WDR70: variants seen among roughly 807,000 people sequenced by gnomAD.
The protein encoded by WDR70 is WD repeat-containing protein 70.
In WDR70, 53 loss-of-function variants were observed where a neutral mutation model predicts 88.6. The observed-to-expected ratio is 0.60, with a 90% CI of 0.48 to 0.75. The LOEUF (loss-of-function observed/expected upper bound fraction) is 0.75. Ranked by LOEUF, WDR70 falls within the 30% of genes least tolerant of loss-of-function variation. The probability of loss-of-function intolerance (pLI) is 0.00; values close to 1 mark genes in which losing one functional copy is unlikely to be tolerated. For synonymous variants in WDR70, 280 were observed against 270.0 expected, an observed-to-expected ratio of 1.04 and a Z score of -0.36; for missense variants, 610 against 823.2, an observed-to-expected ratio of 0.74 and a Z score of 3.17.
rs74779045 is a variant in WDR70 at position 37,438,474 on chromosome 5, T to A, written c.552+493T>A. 9.7e-3 allele frequency among the ~76,000 whole-genome samples: 1,481 copies of A among 152,212 alleles called. 35 individuals carry two copies. The highest frequency in any genetic ancestry group is 0.034 in the African/African-American group (1,431 of 41,558). On this transcript the variant is annotated intron_variant, in intron 6 of 17. Transcript: ENST00000265107. ...GTTATATTTACTTATGTTTGAGTAA[T>A]CTAAAATATTTAAAGATGAATAATA...
At position 37,455,636 on chromosome 5, in the gene WDR70, C is replaced by CTTTTTTTTTTT. The variant is rs59254502; in HGVS notation, c.686+12273_686+12283dup. Reference sequence around the variant, plus strand: ...TTCTCTCGGGTCCAGTTCTCTTTATCTTTTTTTTTTTTTTTTTTTGCCACA... The same window carrying CTTTTTTTTTTT: ...TTCTCTCGGGTCCAGTTCTCTTTATCTTTTTTTTTTTTTTTTTTTTTTTTTTTTTTGCCACA... On this transcript the variant is annotated intron_variant, in intron 7 of 17. Transcript: ENST00000265107. Among the ~76,000 whole-genome samples, 79 of 70,434 alleles carry CTTTTTTTTTTT rather than the reference C, an allele frequency of 1.1e-3. 6 individuals are homozygous for CTTTTTTTTTTT. Among genetic ancestry groups the CTTTTTTTTTTT allele is most frequent in the African/African-American group, 3.0e-3 (65 of 21,592 alleles). The allele number at this position is 70,434 out of a possible 152,430, so 46.2% of individuals were successfully genotyped here.
chr5:37,598,526 G>T (rs896735926), intron 9 of WDR70, among the ~76,000 whole-genome samples: 2 of 152,136 alleles, frequency 1.3e-5, no homozygotes, highest in African/African-American at 4.8e-5. Context: ...AAGTCCAACA[G>T]ATATTTCCAT....
At chr5:37,563,529 G>C (rs1322788981) in intron 9 of WDR70, among the ~76,000 whole-genome samples, 7 of 48,448 alleles carry the variant, frequency 1.4e-4, no homozygotes, top group South Asian at 9.5e-4. Flanking sequence ...CTCACCTCCC[G>C]GATGGGGCGG....
At chr5:37,389,544 T>A (rs1053485745) in intron 3 of WDR70, among the ~76,000 whole-genome samples, 10 of 152,082 alleles carry the variant, frequency 6.6e-5, no homozygotes, top group Non-Finnish European at 1.0e-4. Context: ...CAGAGTAAGC[T>A]GGGACTACAG....
chr5:37,749,548 GTTTTT>G (rs945643883), intron 17 of WDR70, among the ~76,000 whole-genome samples: 2 of 148,544 alleles, frequency 1.3e-5, no homozygotes, highest in Non-Finnish European at 1.5e-5. Flanking sequence ...CATGTATCCT[GTTTTT>G]TTTTAAGAAG....
intron 5 of WDR70, among the ~76,000 whole-genome samples, chr5:37,431,389 CT>C (rs888582487): frequency 6.7e-6 from 1 of 149,496 alleles, no homozygotes; most frequent in South Asian, 2.1e-4. Flanking sequence ...CTTTTTTTTT[CT>C]TTTTTCCATT....
chr5:37,557,961 T>TGGAAACTCTTCAAAAGA (rs1176435994), intron 9 of WDR70, among the ~76,000 whole-genome samples: 2 of 148,286 alleles, frequency 1.3e-5, no homozygotes, highest in Admixed American at 6.7e-5. Context: ...AAGAGTATTA[T>TGGAAACTCTTCAAAAGA]GTATATTTAT....
chr5:37,383,295 T>G (rs976651879), intron 3 of WDR70, among the ~76,000 whole-genome samples: 6 of 152,252 alleles, frequency 3.9e-5, no homozygotes, highest in South Asian at 2.1e-4. Flanking sequence ...AGGCCTGCTC[T>G]GTCGCCCAGG....
chr5:37,740,700 C>A (rs1748448361), intron 17 of WDR70, among the ~76,000 whole-genome samples: 1 of 152,220 alleles, frequency 6.6e-6, no homozygotes, highest in African/African-American at 2.4e-5. Flanking sequence ...AAATTTTATT[C>A]TTTCACCCAC....
chr5:37,554,674 G>GCA (rs1165312022), intron 9 of WDR70, among the ~76,000 whole-genome samples: 2 of 92,592 alleles, frequency 2.2e-5, no homozygotes, highest in African/African-American at 1.1e-4. Flanking sequence ...GCATGCACCT[G>GCA]CACGCACACA....
intron 9 of WDR70, among the ~76,000 whole-genome samples, chr5:37,549,579 G>T (rs1293904084): frequency 6.6e-6 from 1 of 152,094 alleles, no homozygotes; most frequent in Non-Finnish European, 1.5e-5. Flanking sequence ...ATCACCATCT[G>T]CAAACAAGGA....
At chr5:37,620,649 T>G (rs1157950070) in intron 10 of WDR70, among the ~76,000 whole-genome samples, 1 of 152,208 alleles carries the variant, frequency 6.6e-6, no homozygotes, top group Non-Finnish European at 1.5e-5. Context: ...GTTCCGTGTT[T>G]AAAGTACTGA....
intron 9 of WDR70, among the ~76,000 whole-genome samples, chr5:37,604,050 C>T (rs1177243452): frequency 3.9e-5 from 6 of 152,098 alleles, no homozygotes; most frequent in Non-Finnish European, 7.4e-5. Context: ...TTAAAGAGAT[C>T]TAAACATTTT....
At chr5:37,687,487 G>A (rs1333963994) in intron 10 of WDR70, among the ~76,000 whole-genome samples, 1 of 151,992 alleles carries the variant, frequency 6.6e-6, no homozygotes, top group Non-Finnish European at 1.5e-5. Context: ...GACTGGATGG[G>A]GCTTGTTTTG....
intron 5 of WDR70, among the ~76,000 whole-genome samples, chr5:37,401,314 T>A (rs1749185855): frequency 7.4e-6 from 1 of 135,648 alleles, no homozygotes; most frequent in Non-Finnish European, 1.6e-5. Context: ...AGCCAAAGAT[T>A]AATTTTTTTT....
At chr5:37,634,721 G>A (rs903921843) in intron 10 of WDR70, among the ~76,000 whole-genome samples, 5 of 152,188 alleles carry the variant, frequency 3.3e-5, no homozygotes, top group African/African-American at 1.2e-4. Flanking sequence ...TAGGATGTAG[G>A]ACACCTACAC....
At chr5:37,716,538 A>G (rs991337691) in intron 13 of WDR70, among the ~76,000 whole-genome samples, 3 of 152,116 alleles carry the variant, frequency 2.0e-5, no homozygotes, top group Non-Finnish European at 4.4e-5. Flanking sequence ...GTGGAGTTGG[A>G]GAAACCTGCT....
chr5:37,454,936 G>T (rs1245334512), intron 7 of WDR70, among the ~76,000 whole-genome samples: 1 of 152,070 alleles, frequency 6.6e-6, no homozygotes, highest in East Asian at 1.9e-4. Flanking sequence ...TAGTTTCCTT[G>T]CCTGTAAAAT....
chr5:37,545,305 CAGA>C lies in WDR70; in HGVS notation c.917+28721_917+28723del, dbSNP rs1449364860. 5.3e-5 allele frequency among the ~76,000 whole-genome samples: 8 copies of C among 152,154 alleles called. No individual in the cohort carries two copies. In the East Asian group the frequency reaches 1.5e-3, roughly 29 times the overall value. The stretch of plus-strand genomic sequence containing the variant: ...TGGTCCTAGCTTTTTAGAATTGGTG[CAGA>C]AGAAGGCATAAGCAATTGGCATAGT... On this transcript the variant is annotated intron_variant, in intron 9 of 17. Coordinates refer to ENST00000265107, the MANE Select transcript of WDR70 (RefSeq NM_018034.4).
Sources: allele counts gnomAD v4.1 joint callset (sites outside exome capture counted in the v4.1 genomes callset), GRCh38; gene constraint gnomAD v4.1.1; transcripts MANE v1.5; gene names NCBI Gene and HGNC (gene_info 2026-07-23, HGNC 2026-07-21).